XIST: variants seen among roughly 807,000 people sequenced by gnomAD.
XIST encodes the protein X inactive specific transcript, also known as X inactive specific transcript (non-protein coding).
At chrX:73,852,613 C>G (rs1244919370) in exon 1 of XIST, 1 of 488,193 alleles carries the variant, frequency 2.0e-6, no homozygotes, top group Non-Finnish European at 3.6e-6. Flanking sequence ...AAGAAATACG[C>G]CATAAAGGGT....
exon 1 of XIST, chrX:73,850,785 G>T (rs935610215): frequency 1.0e-5 from 5 of 498,244 alleles, no homozygotes; most frequent in Admixed American, 2.7e-5. Flanking sequence ...GGTATACTTA[G>T]CCTTAGGTGA....
chrX:73,826,933 A>G lies in XIST; in HGVS notation n.12968T>C, dbSNP rs772052312. On this transcript the variant is annotated non_coding_transcript_exon_variant, in exon 6 of 6. Coordinates refer to ENST00000429829, the Ensembl canonical transcript of XIST. ...TTCTAACTCAAGCCTTGAGACTTCC[A>G]TCCAACTCAGGCCTTCGGTCCAATT... 29 of 556,420 alleles carry G rather than the reference A, an allele frequency of 5.2e-5. 1 individual carries two copies. The Admixed American group carries it at 6.5e-4, about 12-fold the overall frequency. 45.9% of individuals were successfully genotyped at this position (556,420 alleles called of 1,213,427 possible).
At chrX:73,828,240 A>T in intron 5 of XIST, 1 of 304,607 alleles carries the variant, frequency 3.3e-6, no homozygotes, top group Non-Finnish European at 5.7e-6. Flanking sequence ...CTTACATAGA[A>T]CCAAAGCATG....
At position 73,827,076 on chromosome X, in the gene XIST, ATC is replaced by A. The variant is rs780559691; in HGVS notation, n.12823_12824del. ...GTCCTCGGGTCTCAAGTCTCAAACC[ATC>A]TGTCTTATACTTTGGGCCTTCTATC... On this transcript the variant is annotated non_coding_transcript_exon_variant, in exon 6 of 6. Coordinates refer to ENST00000429829, the Ensembl canonical transcript of XIST. The A allele has an allele frequency of 3.7e-4, 205 of 556,386 alleles. 3 individuals carry two copies. The highest frequency in any genetic ancestry group is 3.6e-3 in the East Asian group (112 of 30,693). 45.9% of individuals were successfully genotyped at this position (556,386 alleles called of 1,213,427 possible).
intron 1 of XIST, among the ~76,000 whole-genome samples, chrX:73,840,349 T>C (rs1922562909): frequency 1.8e-5 from 2 of 110,846 alleles, no homozygotes; most frequent in Non-Finnish European, 3.8e-5. Flanking sequence ...TGAGGAAATA[T>C]GGATATGAAT....
At chrX:73,822,618 G>T (rs1209826396) in exon 6 of XIST, 4 of 514,318 alleles carry the variant, frequency 7.8e-6, no homozygotes, top group South Asian at 2.5e-5. Flanking sequence ...TTCTGTTTAG[G>T]ATTTAACAAA....
chrX:73,832,282 T>C (rs57127587), intron 3 of XIST, among the ~76,000 whole-genome samples: 10,093 of 107,878 alleles, frequency 0.094, 607 homozygotes, highest in African/African-American at 0.21. Context: ...TGCAGTGAGC[T>C]GAGATTGCGC....
chrX:73,844,895 A>T (rs758581493), exon 1 of XIST: 6 of 524,720 alleles, frequency 1.1e-5, no homozygotes, highest in Non-Finnish European at 2.1e-5. Flanking sequence ...GTTCTTATGG[A>T]GCTGGCACTC....
chrX:73,849,457 C>A (rs1189490313), exon 1 of XIST: 3 of 557,131 alleles, frequency 5.4e-6, no homozygotes, highest in Non-Finnish European at 3.2e-6. Context: ...GAAAAGATCA[C>A]TACTCAAAAT....
exon 6 of XIST, chrX:73,827,568 G>C: frequency 3.7e-6 from 2 of 544,244 alleles, no homozygotes; most frequent in Non-Finnish European, 3.3e-6. Flanking sequence ...ATAAAAAGTA[G>C]AAACAGCAGA....
exon 6 of XIST, chrX:73,823,478 A>T (rs1569511508): frequency 1.9e-6 from 1 of 520,091 alleles, no homozygotes; most frequent in Admixed American, 2.6e-5. Context: ...TAATGCCCTC[A>T]TCTCTCTTAT....
exon 1 of XIST, chrX:73,843,014 C>T (rs761103918): frequency 1.8e-6 from 1 of 558,545 alleles, no homozygotes; most frequent in Admixed American, 2.2e-5. Flanking sequence ...GGAGTATGGA[C>T]CACTGTTTGA....
At chrX:73,841,088 C>T (rs1463922121) in intron 1 of XIST, among the ~76,000 whole-genome samples, 3 of 111,739 alleles carry the variant, frequency 2.7e-5, no homozygotes, top group Non-Finnish European at 5.7e-5. Flanking sequence ...ACGATAAAAT[C>T]ATCTCAGGAA....
intron 1 of XIST, among the ~76,000 whole-genome samples, chrX:73,839,980 G>T (rs66511103): frequency 0.095 from 10,470 of 110,194 alleles, 611 homozygotes; most frequent in African/African-American, 0.21. Context: ...CATAGACCAG[G>T]GTTTCTCAAA....
exon 6 of XIST, chrX:73,820,775 CA>C (rs1303482594): frequency 1.3e-5 from 7 of 555,471 alleles, no homozygotes; most frequent in Non-Finnish European, 2.3e-5. Flanking sequence ...CAATATTTTT[CA>C]ATCTTCCAAA....
chrX:73,823,624 T>C (rs1922181299), exon 6 of XIST: 5 of 556,793 alleles, frequency 9.0e-6, no homozygotes, highest in Middle Eastern at 3.1e-4. Context: ...TTCACTTTTA[T>C]CATCAGCACT....
chrX:73,847,329 G>GTAT (rs768796142), exon 1 of XIST: 4 of 530,145 alleles, frequency 7.5e-6, no homozygotes, highest in Non-Finnish European at 1.4e-5. Flanking sequence ...AAGAGAAGAA[G>GTAT]CACTAGCTAG....
At position 73,846,091 on chromosome X, in the gene XIST, G is replaced by T. The variant is rs757601673; in HGVS notation, n.6633C>A. The T allele has an allele frequency of 1.1e-5, 6 of 556,281 alleles. No homozygotes were observed. In the African/African-American group the frequency reaches 1.4e-4, roughly 13 times the overall value. The allele number at this position is 556,281 out of a possible 1,213,427, so 45.8% of individuals were successfully genotyped here. A position where few individuals can be genotyped will look rare whatever the true frequency, so the allele number is the denominator to read the frequency against. On this transcript the variant is annotated non_coding_transcript_exon_variant, in exon 1 of 6. Transcript: ENST00000429829. ...GGAGAGGGCACTCCCTGCCGGAAGGGAAAGGAAGATTGGGGGTGGAGTGTG... is the reference window on the plus strand; with the variant it reads ...GGAGAGGGCACTCCCTGCCGGAAGGTAAAGGAAGATTGGGGGTGGAGTGTG...
intron 4 of XIST, among the ~76,000 whole-genome samples, chrX:73,830,027 T>C (rs1173727557): frequency 9.1e-6 from 1 of 110,172 alleles, no homozygotes; most frequent in Non-Finnish European, 1.9e-5. Context: ...TTTTCAAAAC[T>C]CACAATATTG....
Sources: allele counts gnomAD v4.1 joint callset (sites outside exome capture counted in the v4.1 genomes callset), GRCh38; gene constraint gnomAD v4.1.1; transcripts MANE v1.5; gene names NCBI Gene and HGNC (gene_info 2026-07-23, HGNC 2026-07-21).